Variants in PLXND1 observed in about 807,000 individuals in gnomAD.
The protein encoded by PLXND1 is plexin-D1.
A neutral mutation model predicts 197.7 loss-of-function variants in PLXND1; 54 were observed. That is an observed-to-expected ratio of 0.27 (90% CI 0.22 to 0.34). PLXND1 has a LOEUF of 0.34. Among genes scored for constraint, PLXND1 ranks in the 10% least tolerant of loss-of-function variants. The pLI is 1.00. For synonymous variants in PLXND1, 1,180 were observed against 1,161.2 expected (o/e 1.02, Z -0.33); for missense variants, 2,127 against 2,699.2 (o/e 0.79, Z 4.70).
intron 11 of PLXND1, 74 bp from the exon 12 acceptor site, chr3:129,574,564 A>G (rs897215494): frequency 7.6e-6 from 11 of 1,446,054 alleles, no homozygotes; most frequent in Non-Finnish European, 9.5e-6. Flanking sequence ...CCCTCCACAC[A>G]CAACAACTGT....
At chr3:129,578,661 C>A in intron 8 of PLXND1, 1 of 535,518 alleles carries the variant, frequency 1.9e-6, no homozygotes, top group Non-Finnish European at 3.3e-6. Context: ...AAGGTGGGCA[C>A]AGGCAGATGG....
rs767303855 is a variant in PLXND1, at chr3:129,571,764, C to T, written c.3158G>A (p.Arg1053His). 4.3e-5 allele frequency: 70 copies of T among 1,613,332 alleles called. 1 individual carries two copies. The East Asian group carries it at 8.7e-4, about 20-fold the overall frequency. ...APVPVCVRFE[R>H]RGCVHGNLTF... ...GAGGTTGCCGTGCACGCAGCCCCGACGCTCGAAGCGCACACACACAGGCAC... is the reference window on the plus strand; with the variant it reads ...GAGGTTGCCGTGCACGCAGCCCCGATGCTCGAAGCGCACACACACAGGCAC... The change falls in exon 16 of 36, where the codon CGT (arginine) becomes CAT (histidine). Residue 1053 changes from arginine to histidine, a missense_variant. Physicochemically the swap from Arg to His is conservative, Grantham distance 29. This residue lies in a region of PLXND1 where 1,095 missense variants were observed against 1,259.8 expected (regional missense o/e 0.87). Transcript: ENST00000324093.
In PLXND1 at chr3:129,567,774, A is replaced by T; in HGVS notation, c.3897T>A (p.Arg1299=). 1 of 1,613,242 alleles carries T rather than the reference A, an allele frequency of 6.2e-7. No homozygotes were observed. The highest frequency in any genetic ancestry group is 8.5e-7 in the Non-Finnish European group (1 of 1,179,222). ...GCGTCTTCTGCCAGTAACGCTCAGC[A>T]CGTCGGCTCTTGGTACAGAAGACGA... ...ALFVFCTKSR[R]AERYWQKTLL... Residue 1299 remains arginine (R), a synonymous_variant, in exon 21 of 36, where the codon CGT becomes CGA. Coordinates refer to ENST00000324093, the MANE Select transcript of PLXND1 (RefSeq NM_015103.3).
intron 19 of PLXND1, among the ~76,000 whole-genome samples, chr3:129,570,504 C>T (rs186412799): frequency 6.6e-6 from 1 of 152,352 alleles, no homozygotes; most frequent in East Asian, 1.9e-4. Context: ...CCTGGCAGCC[C>T]AGGCTCTAGG....
intron 29 of PLXND1, 48 bp from the exon 30 acceptor site, chr3:129,560,771 G>C: frequency 1.2e-3 from 1,157 of 980,300 alleles, no homozygotes; most frequent in Non-Finnish European, 1.7e-3. Flanking sequence ...GGAGAGGAGA[G>C]AAACAGAAAT....
chr3:129,557,223 C>T lies in PLXND1; in HGVS notation c.5446G>A (p.Asp1816Asn), dbSNP rs2084987821. ...CSISDLQLGK[D>N]SPTNKLLYAK... ...TAGAGGAGCTTGTTGGTTGGCGAAT[C>T]CTGGGCAGAGAAGAGCGAGGGTGTT... is the stretch of plus-strand genomic sequence containing the variant. The change falls in exon 34 of 36, where the codon GAT becomes AAT. Residue 1816 changes from aspartate (D) to asparagine (N), a missense_variant and splice_region_variant. This residue lies in a region of PLXND1 where 200 missense variants were observed against 303.3 expected (regional missense o/e 0.66). Transcript: ENST00000324093. This position sits in a 1 kb window ranked among gnomAD's most constrained non-coding sequence, Gnocchi z 4.8. 1 of 1,613,944 alleles carries T rather than the reference C, an allele frequency of 6.2e-7. No individual in the cohort carries two copies. The highest frequency in any genetic ancestry group is 2.2e-5 in the East Asian group (1 of 44,894).
chr3:129,574,946 C>T (rs79352840), intron 11 of PLXND1, among the ~76,000 whole-genome samples: 1,642 of 152,280 alleles, frequency 0.011, 33 homozygotes, highest in African/African-American at 0.037. Flanking sequence ...TCAAACCCTC[C>T]AAGTAGCCCA....
chr3:129,590,168 C>T (rs1409887169), intron 1 of PLXND1, among the ~76,000 whole-genome samples: 1 of 152,162 alleles, frequency 6.6e-6, no homozygotes, highest in Non-Finnish European at 1.5e-5. Context: ...CATCTGCCCA[C>T]ATTACAGGGG....
At position 129,557,367 on chromosome 3, in the gene PLXND1, ACG is replaced by A. The variant is rs2084989859; in HGVS notation, c.5446-146_5446-145del. 1.2e-6 allele frequency: 1 copy of A among 815,580 alleles called. No homozygotes were observed. Among genetic ancestry groups the A allele is most frequent in the Admixed American group, 2.7e-5 (1 of 36,612 alleles). 50.5% of individuals were successfully genotyped at this position (815,580 alleles called of 1,614,324 possible). A position where few individuals can be genotyped will look rare whatever the true frequency, so the allele number is the denominator to read the frequency against. On this transcript the variant is annotated intron_variant, in intron 33 of 35. Transcript: ENST00000324093. This position sits in a 1 kb window ranked among gnomAD's most constrained non-coding sequence, Gnocchi z 4.8. ...CCAAAGAGTCTCACCCGGTCACTGA[ACG>A]TCCCCGCACTCAGCCGGCCCCAGAC...
chr3:129,602,378 C>T (rs2085722053), intron 1 of PLXND1, among the ~76,000 whole-genome samples: 1 of 152,232 alleles, frequency 6.6e-6, no homozygotes, highest in Admixed American at 6.5e-5. Context: ...CAGGCTGCTC[C>T]CTTTGCCTGG....
In PLXND1 at chr3:129,556,702, G is replaced by T; in HGVS notation, c.5587-11C>A. 1 of 1,599,370 alleles carries T rather than the reference G, an allele frequency of 6.3e-7. No individual in the cohort carries two copies. The highest frequency in any genetic ancestry group is 8.6e-7 in the Non-Finnish European group (1 of 1,168,022). The stretch of plus-strand genomic sequence containing the variant: ...CTCATTCTGGTATTTCTATAAGGAG[G>T]CAGGATGGGGAGGAGGTTAGCCCAG... On this transcript the variant is annotated splice_polypyrimidine_tract_variant and intron_variant, in intron 34 of 35. Transcript: ENST00000324093.
intron 1 of PLXND1, among the ~76,000 whole-genome samples, chr3:129,600,864 A>C (rs776746159): frequency 2.0e-5 from 3 of 152,036 alleles, no homozygotes; most frequent in Non-Finnish European, 4.4e-5. Flanking sequence ...ACGTGCACCC[A>C]CCCACTGCAT....
At chr3:129,570,665 G>T in intron 19 of PLXND1, 121 bp downstream of exon 19, 1 of 947,422 alleles carries the variant, frequency 1.1e-6, no homozygotes, top group Non-Finnish European at 1.6e-6. Context: ...TGCTTTGCTG[G>T]ACTGAGCTGT....
intron 1 of PLXND1, among the ~76,000 whole-genome samples, chr3:129,599,130 G>T (rs2085669180): frequency 6.6e-6 from 1 of 152,172 alleles, no homozygotes. Context: ...TCCCGCTCCT[G>T]TCCCAGTACA....
In PLXND1 at chr3:129,556,564, G is replaced by A. The variant is rs879494183; in HGVS notation, c.5661+53C>T. On this transcript the variant is annotated intron_variant, in intron 35 of 35. Transcript: ENST00000324093. ...CAAGCACCCTGAGATGTGTGTCCTT[G>A]AGTAGGAAGCTCACCTACCCCGAGG... 1.9e-5 allele frequency: 27 copies of A among 1,411,580 alleles called. 2 individuals are homozygous for A. The Admixed American group carries it at 3.9e-4, about 20-fold the overall frequency. 87.4% of individuals were successfully genotyped at this position (1,411,580 alleles called of 1,614,324 possible). A position where few individuals can be genotyped will look rare whatever the true frequency, so the allele number is the denominator to read the frequency against.
intron 1 of PLXND1, among the ~76,000 whole-genome samples, chr3:129,604,129 C>A (rs1468920282): frequency 6.6e-6 from 1 of 152,172 alleles, no homozygotes; most frequent in Non-Finnish European, 1.5e-5. Flanking sequence ...CAACCTGGCC[C>A]CCCTTGCTAC....
At chr3:129,561,537 G>T in intron 29 of PLXND1, 109 bp downstream of exon 29, 1 of 824,768 alleles carries the variant, frequency 1.2e-6, no homozygotes, top group Non-Finnish European at 1.9e-6. Flanking sequence ...GGAGGCCTCA[G>T]CCCAGGCCAG....
In PLXND1 at chr3:129,605,905, C is replaced by T. The variant is rs1159331610; in HGVS notation, c.735G>A (p.Thr245=). ...TPEIAIRSLD[T]RGDLAKLFTF... ...TGAAGAGCTTGGCCAGGTCGCCGCG[C>T]GTGTCCAGGGAGCGGATGGCGATCT... The change falls in exon 1 of 36, where the codon ACG becomes ACA. Residue 245 remains threonine, a synonymous_variant. Transcript: ENST00000324093. 2 of 1,613,312 alleles carry T rather than the reference C, an allele frequency of 1.2e-6. No homozygotes were observed. Among genetic ancestry groups the T allele is most frequent in the Non-Finnish European group, 1.7e-6 (2 of 1,179,774 alleles).
intron 1 of PLXND1, among the ~76,000 whole-genome samples, chr3:129,601,475 G>A (rs980517225): frequency 1.3e-5 from 2 of 152,154 alleles, no homozygotes; most frequent in Non-Finnish European, 2.9e-5. Flanking sequence ...CCTCAAGCAG[G>A]AGCGAGAGGC....
Sources: allele counts gnomAD v4.1 joint callset (sites outside exome capture counted in the v4.1 genomes callset), GRCh38; gene constraint gnomAD v4.1.1; regional missense constraint gnomAD v4.1.1; non-coding constraint Gnocchi (gnomAD v3.1); transcripts MANE v1.5; gene names NCBI Gene and HGNC (gene_info 2026-07-23, HGNC 2026-07-21).